SUPT3H: variants seen among roughly 807,000 people sequenced by gnomAD.
SUPT3H encodes the protein transcription initiation protein SPT3 homolog.
Under a neutral mutation model 44.3 loss-of-function variants are expected in SUPT3H, and 44 were observed. The observed-to-expected ratio is 0.99, with a 90% confidence interval of 0.78 to 1.28. The LOEUF (loss-of-function observed/expected upper bound fraction) is 1.28. Ranked by LOEUF, SUPT3H falls within the 50% of genes most tolerant of loss-of-function variation. SUPT3H has a pLI of 0.00. For synonymous variants in SUPT3H, 124 were observed against 125.6 expected (o/e 0.99, Z 0.09); for missense variants, 380 against 387.1 (o/e 0.98, Z 0.15).
intron 2 of SUPT3H, among the ~76,000 whole-genome samples, chr6:45,180,625 C>A (rs903198991): frequency 6.6e-6 from 1 of 151,866 alleles, no homozygotes; most frequent in African/African-American, 2.4e-5. Context: ...GGAAAGGATT[C>A]CCTATTTAAT....
chr6:44,906,059 G>A (rs7743131), intron 10 of SUPT3H, among the ~76,000 whole-genome samples: 1 of 152,158 alleles, frequency 6.6e-6, no homozygotes, highest in African/African-American at 2.4e-5. Context: ...AGCATTAGGA[G>A]ATATACCTAA....
Position 44,868,906 on chromosome 6 carries a change from T to C in SUPT3H, c.913-39049A>G, listed in dbSNP as rs140149470. On this transcript the variant is annotated intron_variant, in intron 10 of 10. Coordinates refer to ENST00000371459, the MANE Select transcript of SUPT3H (RefSeq NM_003599.4). ...GCCTCTGTGCTGACAATTTCCCCAA[T>C]AGCTATGCTATCCCAATGGGTGGAC... is the stretch of plus-strand genomic sequence containing the variant. 4.7e-3 allele frequency among the ~76,000 whole-genome samples: 722 copies of C among 152,328 alleles called. 8 individuals carry two copies. The highest frequency in any genetic ancestry group is 0.016 in the African/African-American group (674 of 41,580).
chr6:45,165,235 A>C (rs1276247432), intron 2 of SUPT3H, among the ~76,000 whole-genome samples: 1 of 152,198 alleles, frequency 6.6e-6, no homozygotes, highest in Non-Finnish European at 1.5e-5. Flanking sequence ...AACCACCAGT[A>C]CCAGAGAGCC....
chr6:45,323,135 T>C lies in SUPT3H; in HGVS notation c.101+42066A>G, dbSNP rs147852036. Among the ~76,000 whole-genome samples, 1,311 of 152,274 alleles carry C rather than the reference T, an allele frequency of 8.6e-3. 52 individuals are homozygous for C. Among genetic ancestry groups the C allele is most frequent in the Admixed American group, 0.076 (1,159 of 15,274 alleles). On this transcript the variant is annotated intron_variant, in intron 2 of 10. Coordinates refer to ENST00000371459, the MANE Select transcript of SUPT3H (RefSeq NM_003599.4). ...GGAATGCTCAGAGGGGAATCCTTCA[T>C]AAGTAACACTAACTTACAATCTTCT...
chr6:45,317,848 A>G (rs1784934117), intron 2 of SUPT3H, among the ~76,000 whole-genome samples: 1 of 151,656 alleles, frequency 6.6e-6, no homozygotes, highest in Admixed American at 6.6e-5. Flanking sequence ...TGGGATTACA[A>G]TAAACTAAAA....
chr6:45,260,491 A>G (rs1260990457), intron 2 of SUPT3H, among the ~76,000 whole-genome samples: 1 of 152,158 alleles, frequency 6.6e-6, no homozygotes, highest in Non-Finnish European at 1.5e-5. Context: ...ACAGCTTTCT[A>G]GCAGCATTGC....
At chr6:45,145,480 G>C (rs1805899852) in intron 2 of SUPT3H, among the ~76,000 whole-genome samples, 2 of 152,014 alleles carry the variant, frequency 1.3e-5, no homozygotes, top group Non-Finnish European at 2.9e-5. Flanking sequence ...GAAGACTGAA[G>C]CTGGATCTTC....
chr6:45,354,784 G>T (rs1792813746), intron 2 of SUPT3H, among the ~76,000 whole-genome samples: 1 of 152,120 alleles, frequency 6.6e-6, no homozygotes, highest in South Asian at 2.1e-4. Flanking sequence ...AGGATCGCTT[G>T]AGGCTAGGGT....
At chr6:45,029,958 G>T (rs1317849979) in intron 3 of SUPT3H, among the ~76,000 whole-genome samples, 2 of 152,090 alleles carry the variant, frequency 1.3e-5, no homozygotes, top group African/African-American at 4.8e-5. Flanking sequence ...GTAGAGACAG[G>T]ATCTCACTTT....
chr6:45,293,396 A>T (rs1313994558), intron 2 of SUPT3H, among the ~76,000 whole-genome samples: 2 of 152,196 alleles, frequency 1.3e-5, no homozygotes, highest in Non-Finnish European at 2.9e-5. Context: ...GAAAGAGCAC[A>T]GACAGACAAT....
chr6:44,948,964 C>T (rs946552474), intron 9 of SUPT3H, among the ~76,000 whole-genome samples: 1 of 152,146 alleles, frequency 6.6e-6, no homozygotes, highest in Non-Finnish European at 1.5e-5. Flanking sequence ...TGGCACTATT[C>T]TCAATACCTA....
chr6:45,102,425 G>C (rs987188995), intron 3 of SUPT3H, among the ~76,000 whole-genome samples: 1 of 152,022 alleles, frequency 6.6e-6, no homozygotes, highest in Non-Finnish European at 1.5e-5. Context: ...AACATTTTAT[G>C]TCCAGCCAAG....
intron 2 of SUPT3H, among the ~76,000 whole-genome samples, chr6:45,216,694 A>C (rs1482401860): frequency 2.0e-5 from 3 of 152,200 alleles, no homozygotes; most frequent in African/African-American, 7.2e-5. Flanking sequence ...AAAATAGTAA[A>C]AAGAGACAAT....
intron 2 of SUPT3H, among the ~76,000 whole-genome samples, chr6:45,342,229 A>G (rs1789933399): frequency 6.7e-6 from 1 of 150,222 alleles, no homozygotes; most frequent in South Asian, 2.1e-4. Flanking sequence ...GTGCCTAGTG[A>G]AAAAAAAATA....
chr6:45,240,189 C>G (rs1057426579), intron 2 of SUPT3H, among the ~76,000 whole-genome samples: 1 of 152,108 alleles, frequency 6.6e-6, no homozygotes, highest in African/African-American at 2.4e-5. Context: ...AGCAGGATTG[C>G]GAGGACCCCC....
At chr6:45,292,696 G>C (rs1780499803) in intron 2 of SUPT3H, among the ~76,000 whole-genome samples, 1 of 137,414 alleles carries the variant, frequency 7.3e-6, no homozygotes, top group Admixed American at 7.3e-5. Context: ...TCTTATACCA[G>C]ACAAAAGAAA....
At chr6:44,862,444 A>C (rs1774805501) in intron 10 of SUPT3H, among the ~76,000 whole-genome samples, 1 of 151,940 alleles carries the variant, frequency 6.6e-6, no homozygotes, top group Non-Finnish European at 1.5e-5. Flanking sequence ...TCGGAGGCCG[A>C]GGTGAGCGGA....
intron 2 of SUPT3H, among the ~76,000 whole-genome samples, chr6:45,327,527 T>A (rs1444638200): frequency 6.6e-6 from 1 of 152,034 alleles, no homozygotes; most frequent in East Asian, 1.9e-4. Flanking sequence ...TTCATTTTTT[T>A]AAGATCTTCA....
chr6:45,344,552 G>T (rs922774049), intron 2 of SUPT3H, among the ~76,000 whole-genome samples: 2 of 151,642 alleles, frequency 1.3e-5, no homozygotes, highest in Non-Finnish European at 2.9e-5. Context: ...TATCAATTAA[G>T]TACTTAACTG....
Sources: gnomAD v4.1 joint callset for allele counts (sites outside exome capture counted in the v4.1 genomes callset) on GRCh38, gnomAD v4.1.1 for gene constraint, MANE v1.5 for transcripts, NCBI Gene and HGNC (gene_info 2026-07-23, HGNC 2026-07-21) for gene names.